DIP2C: variants seen among roughly 807,000 people sequenced by gnomAD.
DIP2C encodes the protein disco-interacting protein 2 homolog C.
In DIP2C, 33 loss-of-function variants were observed where a neutral mutation model predicts 192.4. The ratio of observed to expected loss-of-function variants is 0.17; its 90% CI spans 0.13 to 0.23. The LOEUF (loss-of-function observed/expected upper bound fraction) is 0.23. Among genes scored for constraint, DIP2C ranks in the 10% least tolerant of loss-of-function variants. The probability of loss-of-function intolerance (pLI) is 1.00; values close to 1 mark genes in which losing one functional copy is unlikely to be tolerated. For synonymous variants in DIP2C, 979 were observed against 864.1 expected, an observed-to-expected ratio of 1.13 and a Z score of -2.33; for missense variants, 1,537 against 2,110.1, an observed-to-expected ratio of 0.73 and a Z score of 5.32.
chr10:530,403 GAGGCCAAA>G (rs1847293563), intron 1 of DIP2C, among the ~76,000 whole-genome samples: 1 of 152,114 alleles, frequency 6.6e-6, no homozygotes, highest in Non-Finnish European at 1.5e-5. Context: ...ATCAGAACTT[GAGGCCAAA>G]GAAAGGGAAA....
chr10:557,873 GC>G (rs1278949360), intron 1 of DIP2C, among the ~76,000 whole-genome samples: 41 of 110,500 alleles, frequency 3.7e-4, no homozygotes, highest in African/African-American at 1.2e-3. Flanking sequence ...GGGCAGGCAG[GC>G]AGGCAGGGGG....
At chr10:369,387 G>C in intron 18 of DIP2C, 107 bp downstream of exon 18, 1 of 1,392,282 alleles carries the variant, frequency 7.2e-7, no homozygotes, top group Non-Finnish European at 9.5e-7. Flanking sequence ...CTCAGCCTGA[G>C]GGCACACCAC....
At chr10:427,208 A>G (rs1385411242) in intron 4 of DIP2C, among the ~76,000 whole-genome samples, 1 of 152,184 alleles carries the variant, frequency 6.6e-6, no homozygotes, top group Non-Finnish European at 1.5e-5. Flanking sequence ...CCCAACCTCT[A>G]GAGGCCACCT....
chr10:637,102 C>T (rs1003521177), intron 1 of DIP2C, among the ~76,000 whole-genome samples: 2 of 152,252 alleles, frequency 1.3e-5, no homozygotes, highest in African/African-American at 4.8e-5. Context: ...TGATTCCACA[C>T]GGTCCCACCT....
intron 1 of DIP2C, among the ~76,000 whole-genome samples, chr10:500,502 G>A (rs890125230): frequency 2.0e-5 from 3 of 152,206 alleles, no homozygotes; most frequent in Non-Finnish European, 4.4e-5. Context: ...AAATGCCATA[G>A]AAATTATCCT....
intron 26 of DIP2C, 137 bp from the exon 27 acceptor site, chr10:345,247 T>C (rs1214328257): frequency 2.5e-5 from 22 of 881,420 alleles, no homozygotes; most frequent in Non-Finnish European, 3.5e-5. Flanking sequence ...CGAGCCCTCC[T>C]GCTGGCTAAG....
intron 1 of DIP2C, among the ~76,000 whole-genome samples, chr10:507,107 G>C (rs532655560): frequency 3.1e-4 from 47 of 150,730 alleles, no homozygotes; most frequent in African/African-American, 1.1e-3. Flanking sequence ...ACGATGAGAG[G>C]TATGCGAGGT....
chr10:445,360 G>A (rs1022487456), intron 3 of DIP2C, among the ~76,000 whole-genome samples: 1 of 151,582 alleles, frequency 6.6e-6, no homozygotes, highest in Non-Finnish European at 1.5e-5. Flanking sequence ...GTATACATCT[G>A]TTGTGAAGAG....
intron 3 of DIP2C, among the ~76,000 whole-genome samples, chr10:444,357 G>A (rs61837239): frequency 2.8e-5 from 3 of 107,742 alleles, no homozygotes; most frequent in African/African-American, 1.8e-4. Context: ...GGAGCCCACG[G>A]CATAGTGTTC....
rs1958788812 is a variant in DIP2C, at chr10:351,147, G to T, written c.2986-1693C>A. ...GGCGCAGGGAGAGAGGCCCAGAGGG[G>T]CTTGCGGGTAGCCGAGTTAGTGCAA... On this transcript the variant is annotated intron_variant, in intron 24 of 36. Coordinates refer to ENST00000280886, the MANE Select transcript of DIP2C (RefSeq NM_014974.3). Among the ~76,000 whole-genome samples, 4 of 152,200 alleles carry T rather than the reference G, an allele frequency of 2.6e-5. 1 individual carries two copies. In the South Asian group the frequency reaches 8.3e-4, roughly 32 times the overall value.
chr10:478,623 C>T (rs995583287), intron 2 of DIP2C, among the ~76,000 whole-genome samples: 7 of 144,524 alleles, frequency 4.8e-5, no homozygotes, highest in African/African-American at 1.8e-4. Context: ...CATCCAAATT[C>T]CCATCTTATT....
chr10:414,890 G>GTGTGTGTGTA lies in DIP2C; in HGVS notation c.860-781_860-780insTACACACACA, dbSNP rs1452383924. ...TGTGTGTGTGTGTGTGTGTGTGTGT[G>GTGTGTGTGTA]TATATATATATATATATTTTTTTTT... On this transcript the variant is annotated intron_variant, in intron 7 of 36. Transcript: ENST00000280886. 3.4e-3 allele frequency among the ~76,000 whole-genome samples: 123 copies of GTGTGTGTGTA among 36,116 alleles called. 3 individuals carry two copies. The highest frequency in any genetic ancestry group is 5.9e-3 in the Non-Finnish European group (110 of 18,768). 23.7% of individuals were successfully genotyped at this position (36,116 alleles called of 152,430 possible). A position where few individuals can be genotyped will look rare whatever the true frequency, so the allele number is the denominator to read the frequency against.
At chr10:638,715 TG>T (rs1171493623) in intron 1 of DIP2C, among the ~76,000 whole-genome samples, 3 of 152,206 alleles carry the variant, frequency 2.0e-5, no homozygotes, top group Non-Finnish European at 2.9e-5. Flanking sequence ...GAGAAATTCC[TG>T]TTTCAGGTTT....
At chr10:621,571 A>AGAG (rs1432904021) in intron 1 of DIP2C, among the ~76,000 whole-genome samples, 4 of 152,202 alleles carry the variant, frequency 2.6e-5, no homozygotes, top group African/African-American at 9.6e-5. Flanking sequence ...ACAGAGAGGA[A>AGAG]GAGGAGGAGG....
chr10:497,667 G>T (rs955528782), intron 1 of DIP2C, among the ~76,000 whole-genome samples: 4 of 152,152 alleles, frequency 2.6e-5, no homozygotes, highest in African/African-American at 4.8e-5. Flanking sequence ...ATGCAGCCAG[G>T]GCTCCTCTGA....
At chr10:429,231 C>T (rs1349769074) in intron 4 of DIP2C, among the ~76,000 whole-genome samples, 1 of 86,172 alleles carries the variant, frequency 1.2e-5, no homozygotes, top group Non-Finnish European at 2.2e-5. Flanking sequence ...GCTGCCTCCC[C>T]CCCGGACCCT....
At chr10:484,867 A>AT in intron 2 of DIP2C, 2 of 1,611,676 alleles carry the variant, frequency 1.2e-6, no homozygotes, top group Non-Finnish European at 1.7e-6. Context: ...GCACACCCCG[A>AT]TGTGGGCAGA....
chr10:424,185 C>T (rs758966954), intron 4 of DIP2C, among the ~76,000 whole-genome samples: 9 of 152,002 alleles, frequency 5.9e-5, no homozygotes, highest in African/African-American at 9.7e-5. Context: ...GGAGAAGTCA[C>T]GGCAAATAAT....
Position 364,868 on chromosome 10 carries a change from CA to C in DIP2C, c.2269-287del, listed in dbSNP as rs1459241925. The C allele has an allele frequency of 2.7e-5, 17 of 628,464 alleles. No homozygotes were observed. The Admixed American group carries it at 3.5e-4, about 13-fold the overall frequency. The allele number at this position is 628,464 out of a possible 1,614,324, so 38.9% of individuals were successfully genotyped here. A position where few individuals can be genotyped will look rare whatever the true frequency, so the allele number is the denominator to read the frequency against. On this transcript the variant is annotated intron_variant, in intron 19 of 36. Coordinates refer to ENST00000280886, the MANE Select transcript of DIP2C (RefSeq NM_014974.3). ...GAACAGATAACACCCAGAAGTCTCA[CA>C]GGAGGCCAATCAGCAGTAACTGATT... is the stretch of plus-strand genomic sequence containing the variant.
Sources: allele counts gnomAD v4.1 joint callset (sites outside exome capture counted in the v4.1 genomes callset), GRCh38; gene constraint gnomAD v4.1.1; transcripts MANE v1.5; gene names NCBI Gene and HGNC (gene_info 2026-07-23, HGNC 2026-07-21).